GARIN5A: variants seen among roughly 807,000 people sequenced by gnomAD.
GARIN5A encodes golgi associated RAB2 interactor 5A.
the GARIN5A span, chr19:50,467,902 C>T: frequency 7.4e-7 from 1 of 1,359,446 alleles, no homozygotes; most frequent in Non-Finnish European, 1.0e-6. Flanking sequence ...GTCAGGGGTC[C>T]CCACCTTGCC....
chr19:50,471,690 G>A, the GARIN5A span, among the ~76,000 whole-genome samples: 64 of 146,340 alleles, frequency 4.4e-4, no homozygotes, highest in Non-Finnish European at 7.8e-4. Flanking sequence ...GCACGTGTGT[G>A]TATACGCATA....
the GARIN5A span, among the ~76,000 whole-genome samples, chr19:50,472,199 C>A: frequency 9.6e-6 from 1 of 103,694 alleles, no homozygotes; most frequent in African/African-American, 3.9e-5. Context: ...TGTATGTGTG[C>A]ATGTATATAC....
At chr19:50,472,277 A>G in the GARIN5A span, among the ~76,000 whole-genome samples, 1,750 of 151,328 alleles carry the variant, frequency 0.012, 47 homozygotes, top group African/African-American at 0.041. Flanking sequence ...ATATGTATAT[A>G]TACATGTATG....
the GARIN5A span, among the ~76,000 whole-genome samples, chr19:50,471,994 A>G: frequency 6.7e-6 from 1 of 150,332 alleles, no homozygotes; most frequent in African/African-American, 2.5e-5. Context: ...ATATGTATAT[A>G]TACGTGTATG....
chr19:50,471,888 ATATG>A, the GARIN5A span, among the ~76,000 whole-genome samples: 1 of 151,130 alleles, frequency 6.6e-6, no homozygotes, highest in Non-Finnish European at 1.5e-5. Context: ...ACATGTGTGT[ATATG>A]TATGCATACA....
At chr19:50,469,687 A>T in the GARIN5A span, among the ~76,000 whole-genome samples, 37 of 152,304 alleles carry the variant, frequency 2.4e-4, no homozygotes, top group East Asian at 7.2e-3. Context: ...CTCAGGTCAC[A>T]CAGCCAGGAT....
chr19:50,474,147 T>G, the GARIN5A span, among the ~76,000 whole-genome samples: 1 of 150,664 alleles, frequency 6.6e-6, no homozygotes, highest in Non-Finnish European at 1.5e-5. Context: ...TTGCATTACT[T>G]TTTCTTTTCT....
At chr19:50,473,469 G>A in the GARIN5A span, among the ~76,000 whole-genome samples, 2 of 152,070 alleles carry the variant, frequency 1.3e-5, no homozygotes, top group African/African-American at 4.8e-5. Context: ...TGATCCTCCT[G>A]GCTCAGCCCC....
chr19:50,471,011 C>A, the GARIN5A span, among the ~76,000 whole-genome samples: 3 of 152,046 alleles, frequency 2.0e-5, no homozygotes, highest in Non-Finnish European at 4.4e-5. Context: ...ATTGCCCAGG[C>A]TGGAATGGAG....
the GARIN5A span, chr19:50,475,898 A>T: frequency 1.2e-6 from 2 of 1,613,970 alleles, no homozygotes; most frequent in Non-Finnish European, 1.7e-6. Context: ...CTCTGGAGGT[A>T]GCGTTGGAGC....
At chr19:50,467,791 T>C in the GARIN5A span, 4 of 1,613,032 alleles carry the variant, frequency 2.5e-6, no homozygotes, top group Non-Finnish European at 3.4e-6. Flanking sequence ...CCGGCTTTTG[T>C]CGTGGACAAA....
At chr19:50,471,727 TGC>T in the GARIN5A span, among the ~76,000 whole-genome samples, 8 of 139,010 alleles carry the variant, frequency 5.8e-5, no homozygotes, top group East Asian at 2.1e-4. Flanking sequence ...TACGCATACA[TGC>T]ACGTGTGTGT....
chr19:50,472,149 T>TGTGTATATGTATGTATAC, the GARIN5A span, among the ~76,000 whole-genome samples: 1 of 151,402 alleles, frequency 6.6e-6, no homozygotes, highest in African/African-American at 2.4e-5. Context: ...TATGTATACG[T>TGTGTATATGTATGTATAC]GTGTATATGT....
the GARIN5A span, chr19:50,476,608 C>A: frequency 6.4e-7 from 1 of 1,561,808 alleles, no homozygotes; most frequent in Non-Finnish European, 8.6e-7. Flanking sequence ...GGTAGCAGCG[C>A]CCAGTCGAGC....
the GARIN5A span, among the ~76,000 whole-genome samples, chr19:50,472,872 A>T: frequency 6.6e-6 from 1 of 152,054 alleles, no homozygotes; most frequent in Non-Finnish European, 1.5e-5. Flanking sequence ...ACCCTGTCTC[A>T]AAATTAAATG....
At chr19:50,473,713 A>G in the GARIN5A span, among the ~76,000 whole-genome samples, 2 of 150,086 alleles carry the variant, frequency 1.3e-5, no homozygotes, top group Admixed American at 1.3e-4. Flanking sequence ...CCAGACAGGC[A>G]TGGTAGCTCA....
At chr19:50,475,260 T>C in the GARIN5A span, 2 of 1,510,966 alleles carry the variant, frequency 1.3e-6, no homozygotes, top group Admixed American at 2.0e-5. Context: ...GGGGAGGTAC[T>C]GCTGGGGGCT....
chr19:50,472,191 T>TGTATATATATGTATAC, the GARIN5A span, among the ~76,000 whole-genome samples: 1 of 145,890 alleles, frequency 6.9e-6, no homozygotes, highest in African/African-American at 2.7e-5. Context: ...TGTATACATG[T>TGTATATATATGTATAC]ATGTGTGCAT....
the GARIN5A span, chr19:50,476,285 T>G: frequency 1.2e-6 from 2 of 1,605,404 alleles, no homozygotes; most frequent in Non-Finnish European, 1.7e-6. Context: ...GACGTCATGA[T>G]GCGGAGCGGG....
Sources: gnomAD v4.1 joint callset for allele counts (sites outside exome capture counted in the v4.1 genomes callset) on GRCh38, gnomAD v4.1.1 for gene constraint, MANE v1.5 for transcripts, NCBI Gene and HGNC (gene_info 2026-07-23, HGNC 2026-07-21) for gene names.